The following LYPD6B variants were observed in gnomAD, a reference collection of about 807,000 sequenced individuals.
LYPD6B encodes LY6/PLAUR domain containing 6B.
LYPD6B carries 17 observed loss-of-function variants against 22.8 expected under a neutral mutation model. The ratio of observed to expected loss-of-function variants is 0.75; its 90% CI spans 0.51 to 1.12. The LOEUF (loss-of-function observed/expected upper bound fraction) is 1.12, where lower values mean the gene tolerates loss of function less well. Among genes scored for constraint, LYPD6B ranks in the 50% most tolerant of loss-of-function variants. The pLI is 0.00. For synonymous variants in LYPD6B, 106 were observed against 91.6 expected, an observed-to-expected ratio of 1.16 and a Z score of -0.90; for missense variants, 221 against 258.3, an observed-to-expected ratio of 0.86 and a Z score of 0.99.
chr2:149,174,681 G>T (rs183937497), intron 3 of LYPD6B, among the ~76,000 whole-genome samples: 231 of 151,932 alleles, frequency 1.5e-3, no homozygotes, highest in African/African-American at 5.3e-3. Context: ...ATGATGAATC[G>T]CATTAATTGA....
chr2:149,192,868 C>A lies in LYPD6B; in HGVS notation c.78-12385C>A, dbSNP rs552452894. 9.9e-5 allele frequency among the ~76,000 whole-genome samples: 15 copies of A among 152,196 alleles called. No homozygotes were observed. In the South Asian group the frequency reaches 2.9e-3, roughly 29 times the overall value. On this transcript the variant is annotated intron_variant, in intron 3 of 6. Coordinates refer to ENST00000409642, the MANE Select transcript of LYPD6B (RefSeq NM_177964.5). ...TGCAAACTGAAGAGAATGGTGAAGT[C>A]AACCTCAATCAAGCATTTATTCAAT...
intron 3 of LYPD6B, 146 bp from the exon 4 acceptor site, chr2:149,205,107 A>G (rs1271673835): frequency 2.7e-6 from 2 of 747,476 alleles, no homozygotes; most frequent in Non-Finnish European, 4.2e-6. Flanking sequence ...ATCAAAAACA[A>G]TGCAATTTAC....
chr2:149,066,809 C>T (rs2105341162), intron 1 of LYPD6B, among the ~76,000 whole-genome samples: 1 of 151,634 alleles, frequency 6.6e-6, no homozygotes, highest in African/African-American at 2.4e-5. Context: ...TTTATTATTC[C>T]TTGGTTTCTT....
intron 1 of LYPD6B, among the ~76,000 whole-genome samples, chr2:149,047,184 T>C (rs192217631): frequency 6.9e-6 from 1 of 145,552 alleles, no homozygotes; most frequent in East Asian, 2.0e-4. Context: ...CAAGTTTTGG[T>C]CTGGCAACGC....
At chr2:149,184,488 G>T (rs1247492616) in intron 3 of LYPD6B, among the ~76,000 whole-genome samples, 5 of 152,178 alleles carry the variant, frequency 3.3e-5, no homozygotes, top group Non-Finnish European at 7.3e-5. Flanking sequence ...AAAATGTGTA[G>T]AAAGTTAAGT....
At chr2:149,146,212 C>T (rs1195846021) in intron 2 of LYPD6B, among the ~76,000 whole-genome samples, 1 of 152,174 alleles carries the variant, frequency 6.6e-6, no homozygotes, top group Non-Finnish European at 1.5e-5. Flanking sequence ...ACGTGGCGTG[C>T]TCATGGGGGA....
chr2:149,189,363 TATATACAC>T lies in LYPD6B; in HGVS notation c.78-15888_78-15881del, dbSNP rs1473979343. 3.2e-3 allele frequency among the ~76,000 whole-genome samples: 293 copies of T among 92,326 alleles called. 7 individuals are homozygous for T. Among genetic ancestry groups the T allele is most frequent in the African/African-American group, 9.5e-3 (272 of 28,636 alleles). 60.6% of individuals were successfully genotyped at this position (92,326 alleles called of 152,430 possible). A position where few individuals can be genotyped will look rare whatever the true frequency, so the allele number is the denominator to read the frequency against. On this transcript the variant is annotated intron_variant, in intron 3 of 6. Transcript: ENST00000409642. ...AAAATTATATATATATATATATATA[TATATACAC>T]ACACATATGTATATATGTATATATC...
chr2:149,135,576 C>A (rs1205884360), intron 2 of LYPD6B, among the ~76,000 whole-genome samples: 1 of 151,540 alleles, frequency 6.6e-6, no homozygotes. Context: ...AAAAATAAGC[C>A]AGGGGTGGTG....
rs528179824 is a variant in LYPD6B at position 149,137,767 on chromosome 2, C to G, written c.5+6814C>G. ...TATAAATAAGTCTCTATACATATAACTTTGCACCTTACAAATAAATATTCT... is the reference window on the plus strand; with the variant it reads ...TATAAATAAGTCTCTATACATATAAGTTTGCACCTTACAAATAAATATTCT... On this transcript the variant is annotated intron_variant, in intron 2 of 6. Coordinates refer to ENST00000409642, the MANE Select transcript of LYPD6B (RefSeq NM_177964.5). Among the ~76,000 whole-genome samples, 3 of 152,124 alleles carry G rather than the reference C, an allele frequency of 2.0e-5. No individual in the cohort carries two copies. The East Asian group carries it at 5.8e-4, about 29-fold the overall frequency.
chr2:149,092,974 A>G (rs1270793243), intron 1 of LYPD6B, among the ~76,000 whole-genome samples: 1 of 152,188 alleles, frequency 6.6e-6, no homozygotes, highest in African/African-American at 2.4e-5. Flanking sequence ...AGGAGGGAAT[A>G]GTTGGCATCA....
At chr2:149,090,460 G>C (rs17432289) in intron 1 of LYPD6B, among the ~76,000 whole-genome samples, 44,628 of 151,908 alleles carry the variant, frequency 0.29, 7,228 homozygotes, top group Non-Finnish European at 0.34. Flanking sequence ...TCTTTTCTTT[G>C]GGCTCAGGAG....
chr2:149,131,804 G>A (rs1191909806), intron 2 of LYPD6B, among the ~76,000 whole-genome samples: 1 of 152,102 alleles, frequency 6.6e-6, no homozygotes, highest in Non-Finnish European at 1.5e-5. Context: ...ATAAAGCAAA[G>A]GACATCTGAC....
rs374218462 is a variant in LYPD6B, at chr2:149,208,317, C to A, written c.233C>A (p.Thr78Lys). 6.2e-6 allele frequency: 10 copies of A among 1,612,946 alleles called. No homozygotes were observed. Among genetic ancestry groups the A allele is most frequent in the Non-Finnish European group, 8.5e-6 (10 of 1,179,060 alleles). Residue 78 changes from threonine (T) to lysine (K), a missense_variant, in exon 5 of 7, where the codon ACA becomes AAA. By Grantham distance (78) the Thr-to-Lys change is moderately conservative (BLOSUM62 -1). Coordinates refer to ENST00000409642, the MANE Select transcript of LYPD6B (RefSeq NM_177964.5). ...FYNVRPPLDP[T>K]PFPNSFKCFT... ...CACTTTGCTTTTTTCTTTAAAGCTACACCATTTCCAAATAGCTTCAAGTGC... is the reference window on the plus strand; with the variant it reads ...CACTTTGCTTTTTTCTTTAAAGCTAAACCATTTCCAAATAGCTTCAAGTGC...
chr2:149,206,567 T>C (rs540639572), intron 4 of LYPD6B, among the ~76,000 whole-genome samples: 260 of 152,244 alleles, frequency 1.7e-3, no homozygotes, highest in African/African-American at 5.8e-3. Flanking sequence ...TTTTTAAGCT[T>C]AGTACAATTT....
intron 5 of LYPD6B, among the ~76,000 whole-genome samples, chr2:149,210,081 A>T (rs1386080289): frequency 2.6e-5 from 4 of 152,304 alleles, no homozygotes; most frequent in African/African-American, 9.6e-5. Flanking sequence ...CTGATGTCCA[A>T]CCTGGTAGGC....
intron 1 of LYPD6B, among the ~76,000 whole-genome samples, chr2:149,040,817 T>G (rs569018858): frequency 2.6e-5 from 4 of 152,270 alleles, no homozygotes; most frequent in Admixed American, 2.6e-4. Flanking sequence ...CTTCATCTAA[T>G]GCATGGAGGG....
At chr2:149,182,715 T>G (rs1691826978) in intron 3 of LYPD6B, among the ~76,000 whole-genome samples, 1 of 152,210 alleles carries the variant, frequency 6.6e-6, no homozygotes, top group East Asian at 1.9e-4. Context: ...TCAGTAGGAA[T>G]GAATCTCAGA....
At chr2:149,176,720 G>A (rs922231723) in intron 3 of LYPD6B, among the ~76,000 whole-genome samples, 8 of 152,126 alleles carry the variant, frequency 5.3e-5, no homozygotes, top group Non-Finnish European at 1.2e-4. Flanking sequence ...CTAAACAGGT[G>A]ACTACAGGCA....
chr2:149,133,371 T>C (rs559982220), intron 2 of LYPD6B, among the ~76,000 whole-genome samples: 1 of 152,366 alleles, frequency 6.6e-6, no homozygotes, highest in Non-Finnish European at 1.5e-5. Context: ...TATAGTTTCA[T>C]TGATAATTAG....
Sources: gnomAD v4.1 joint callset for allele counts (sites outside exome capture counted in the v4.1 genomes callset) on GRCh38, gnomAD v4.1.1 for gene constraint, MANE v1.5 for transcripts, NCBI Gene and HGNC (gene_info 2026-07-23, HGNC 2026-07-21) for gene names.